ADAMTS19: variants seen among roughly 807,000 people sequenced by gnomAD.
ADAMTS19 encodes ADAM metallopeptidase with thrombospondin type 1 motif 19.
In ADAMTS19, 93 loss-of-function variants were observed where a neutral mutation model predicts 153.3. The ratio of observed to expected loss-of-function variants is 0.61; its 90% CI spans 0.51 to 0.72. The LOEUF (loss-of-function observed/expected upper bound fraction) is 0.72, where lower values mean the gene tolerates loss of function less well. Ranked by LOEUF, ADAMTS19 falls within the 30% of genes least tolerant of loss-of-function variation. The pLI, the probability that ADAMTS19 is intolerant of heterozygous loss-of-function variation, is 0.00. For missense variants in ADAMTS19, 1,482 were observed against 1,552.1 expected, an observed-to-expected ratio of 0.95 and a Z score of 0.76; for synonymous variants, 600 against 556.6, an observed-to-expected ratio of 1.08 and a Z score of -1.10.
chr5:129,632,180 A>G (rs1752328331), intron 10 of ADAMTS19, among the ~76,000 whole-genome samples: 1 of 152,124 alleles, frequency 6.6e-6, no homozygotes. Context: ...GCCAGTCTCC[A>G]GGCCACAGTT....
intron 2 of ADAMTS19, among the ~76,000 whole-genome samples, chr5:129,496,542 A>G (rs1750933098): frequency 6.6e-6 from 1 of 152,022 alleles, no homozygotes; most frequent in Non-Finnish European, 1.5e-5. Flanking sequence ...ATGAATTTGC[A>G]TCTACTCTCT....
At chr5:129,569,939 C>A (rs2126861260) in intron 7 of ADAMTS19, among the ~76,000 whole-genome samples, 1 of 151,964 alleles carries the variant, frequency 6.6e-6, no homozygotes, top group South Asian at 2.1e-4. Context: ...ACAAAACACA[C>A]TCATATCAAC....
intron 8 of ADAMTS19, among the ~76,000 whole-genome samples, chr5:129,615,528 A>G (rs1019612573): frequency 9.2e-5 from 14 of 152,116 alleles, no homozygotes; most frequent in South Asian, 4.1e-4. Flanking sequence ...CTCATGCCCT[A>G]TGATTCTGAT....
At chr5:129,486,560 C>A (rs1443745171) in intron 2 of ADAMTS19, among the ~76,000 whole-genome samples, 1 of 152,024 alleles carries the variant, frequency 6.6e-6, no homozygotes, top group African/African-American at 2.4e-5. Flanking sequence ...AAACTGTCAA[C>A]AAACTAGGAA....
chr5:129,608,683 A>C (rs763174131), intron 8 of ADAMTS19, among the ~76,000 whole-genome samples: 18 of 152,016 alleles, frequency 1.2e-4, no homozygotes, highest in Non-Finnish European at 2.5e-4. Context: ...GCACTTTGGG[A>C]GGCCAAGTCA....
chr5:129,556,272 C>T (rs1182711585), intron 7 of ADAMTS19, among the ~76,000 whole-genome samples: 4 of 152,082 alleles, frequency 2.6e-5, no homozygotes, highest in South Asian at 2.1e-4. Flanking sequence ...CTTTTAAATC[C>T]CTGAAATTAG....
At chr5:129,663,328 A>G (rs1280592206) in intron 15 of ADAMTS19, among the ~76,000 whole-genome samples, 1 of 152,150 alleles carries the variant, frequency 6.6e-6, no homozygotes, top group African/African-American at 2.4e-5. Context: ...TGATTCTGCA[A>G]GGATATCTTG....
At chr5:129,652,657 A>G (rs1041346473) in intron 13 of ADAMTS19, among the ~76,000 whole-genome samples, 4 of 152,228 alleles carry the variant, frequency 2.6e-5, no homozygotes, top group Non-Finnish European at 5.9e-5. Flanking sequence ...TAAAGTCAGC[A>G]GAGTGTGTTG....
intron 9 of ADAMTS19, among the ~76,000 whole-genome samples, 153 bp downstream of exon 9, chr5:129,620,911 T>C (rs1751750982): frequency 6.6e-6 from 1 of 152,160 alleles, no homozygotes; most frequent in African/African-American, 2.4e-5. Context: ...TAACTCATGG[T>C]GTAGTTTGGG....
At chr5:129,467,353 G>A (rs1318438154) in intron 2 of ADAMTS19, among the ~76,000 whole-genome samples, 4 of 152,112 alleles carry the variant, frequency 2.6e-5, no homozygotes, top group African/African-American at 7.2e-5. Context: ...TAATTGAATT[G>A]GTTGATATAA....
At chr5:129,632,143 T>C (rs1293750251) in intron 10 of ADAMTS19, among the ~76,000 whole-genome samples, 1 of 152,022 alleles carries the variant, frequency 6.6e-6, no homozygotes, top group African/African-American at 2.4e-5. Flanking sequence ...CCATAGATAA[T>C]ATGTAATGGG....
At position 129,704,283 on chromosome 5, in the gene ADAMTS19, A is replaced by C; in HGVS notation, c.3204A>C (p.Arg1068Ser). The change falls in exon 21 of 23, where the codon AGA (arginine) becomes AGC (serine). Residue 1068 changes from arginine to serine, a missense_variant. By Grantham distance (110) the Arg-to-Ser change is moderately radical. Transcript: ENST00000274487. ...AAGGCATACGTCATCGGACCGTTAG[A>C]TGTACCAACCCAAGAAAGAAGTGTG... is the stretch of plus-strand genomic sequence containing the variant. Reference protein sequence around the residue: ...CGKGIRHRTVRCTNPRKKCVL... With the variant: ...CGKGIRHRTVSCTNPRKKCVL... 6.2e-7 allele frequency: 1 copy of C among 1,614,152 alleles called. No individual in the cohort carries two copies. Among genetic ancestry groups the C allele is most frequent in the African/African-American group, 1.3e-5 (1 of 75,044 alleles).
intron 10 of ADAMTS19, among the ~76,000 whole-genome samples, chr5:129,632,770 A>C (rs965748864): frequency 6.6e-6 from 1 of 151,910 alleles, no homozygotes; most frequent in African/African-American, 2.4e-5. Flanking sequence ...TTGGATTGTC[A>C]TTTCCCTGTA....
At chr5:129,523,403 T>G (rs1305555308) in intron 3 of ADAMTS19, among the ~76,000 whole-genome samples, 2 of 152,174 alleles carry the variant, frequency 1.3e-5, no homozygotes, top group Non-Finnish European at 2.9e-5. Flanking sequence ...AAGGTGCCAG[T>G]CAACAGTGCA....
chr5:129,725,533 A>G (rs544805202), intron 21 of ADAMTS19, among the ~76,000 whole-genome samples: 105 of 152,194 alleles, frequency 6.9e-4, no homozygotes, highest in African/African-American at 1.5e-3. Flanking sequence ...CACTTGCCCA[A>G]TTCCTGAGAT....
intron 18 of ADAMTS19, among the ~76,000 whole-genome samples, chr5:129,688,857 C>G (rs1053783096): frequency 1.3e-5 from 2 of 152,170 alleles, no homozygotes; most frequent in Non-Finnish European, 2.9e-5. Flanking sequence ...AGTTCTAAAA[C>G]ATCTTAAAAT....
intron 2 of ADAMTS19, among the ~76,000 whole-genome samples, chr5:129,498,805 T>TTC: frequency 6.7e-6 from 1 of 150,082 alleles, no homozygotes; most frequent in African/African-American, 2.5e-5. Context: ...TCTATTTTTT[T>TTC]TTTTTTTTGA....
chr5:129,689,715 G>A (rs113251568), intron 18 of ADAMTS19, among the ~76,000 whole-genome samples: 8,916 of 152,124 alleles, frequency 0.059, 410 homozygotes, highest in African/African-American at 0.13. Context: ...ATGAGCCACC[G>A]TGCCTGGCCT....
intron 8 of ADAMTS19, among the ~76,000 whole-genome samples, chr5:129,608,116 G>GTATATATATATATATATA (rs1554098182): frequency 0.032 from 1,530 of 47,634 alleles, 144 homozygotes; most frequent in Non-Finnish European, 0.052. Flanking sequence ...GTGTGTGTGT[G>GTATATATATATATATATA]TATATATATA....
Sources: gnomAD v4.1 joint callset for allele counts (sites outside exome capture counted in the v4.1 genomes callset) on GRCh38, gnomAD v4.1.1 for gene constraint, MANE v1.5 for transcripts, NCBI Gene and HGNC (gene_info 2026-07-23, HGNC 2026-07-21) for gene names.